RANBP17: variants seen among roughly 807,000 people sequenced by gnomAD.
The protein encoded by RANBP17 is RAN binding protein 17.
Under a neutral mutation model 141.2 loss-of-function variants are expected in RANBP17, and 158 were observed. The ratio of observed to expected loss-of-function variants is 1.12; its 90% CI spans 0.98 to 1.28. The LOEUF is 1.28. RANBP17 is among the 50% of genes most tolerant of loss of function. The pLI, the probability that RANBP17 is intolerant of heterozygous loss-of-function variation, is 0.00. For synonymous variants in RANBP17, 430 were observed against 450.0 expected (o/e 0.96, Z 0.56); for missense variants, 1,438 against 1,290.7 (o/e 1.11, Z -1.75).
At chr5:170,968,165 A>T (rs975567519) in intron 13 of RANBP17, 77 bp from the exon 14 acceptor site, 2 of 1,041,218 alleles carry the variant, frequency 1.9e-6, no homozygotes, top group African/African-American at 1.6e-5. Flanking sequence ...GTTATATTAC[A>T]TTTATGGTAA....
intron 14 of RANBP17, among the ~76,000 whole-genome samples, chr5:171,159,929 AAAAAAAAAAAAAG>A (rs1311986153): frequency 1.3e-5 from 2 of 150,814 alleles, no homozygotes; most frequent in Non-Finnish European, 3.0e-5. Flanking sequence ...AAAAAAAAAA[AAAAAAAAAAAAAG>A]AAAAAAGAAG....
rs373145835 is a variant in RANBP17, at chr5:171,029,777, GA to G, written c.1710+61407del. ...TTTCAAAAAAATTTTTTTATTTGAGGAAAAAAATCTACATGTATTCTGACAT... is the reference window on the plus strand; with the variant it reads ...TTTCAAAAAAATTTTTTTATTTGAGGAAAAAATCTACATGTATTCTGACAT... On this transcript the variant is annotated intron_variant, in intron 14 of 27. Transcript: ENST00000523189. 2.0e-3 allele frequency among the ~76,000 whole-genome samples: 310 copies of G among 151,870 alleles called. 1 individual carries two copies. In the Middle Eastern group the frequency reaches 0.027, roughly 13 times the overall value.
intron 22 of RANBP17, 89 bp downstream of exon 22, chr5:171,221,929 T>C: frequency 2.4e-6 from 2 of 839,900 alleles, no homozygotes; most frequent in Admixed American, 5.2e-5. Context: ...TCTTTTGAAC[T>C]TTCATATCTT....
chr5:171,078,572 G>A (rs1175024814), intron 14 of RANBP17, among the ~76,000 whole-genome samples: 1 of 152,182 alleles, frequency 6.6e-6, no homozygotes, highest in African/African-American at 2.4e-5. Context: ...TCAAAAGACA[G>A]GCTGATTCTC....
At chr5:171,253,269 CA>C (rs1765693016) in intron 24 of RANBP17, among the ~76,000 whole-genome samples, 1 of 152,190 alleles carries the variant, frequency 6.6e-6, no homozygotes, top group African/African-American at 2.4e-5. Context: ...CCAGTATTAA[CA>C]TGCATTTTCT....
chr5:171,174,788 G>GTGTGTGTA (rs1760332011), intron 16 of RANBP17, among the ~76,000 whole-genome samples: 1 of 150,078 alleles, frequency 6.7e-6, no homozygotes, highest in Non-Finnish European at 1.5e-5. Flanking sequence ...GTGTGTGTGT[G>GTGTGTGTA]TGTGTATTTT....
At chr5:170,871,573 A>G (rs570823079) in intron 1 of RANBP17, among the ~76,000 whole-genome samples, 1 of 152,204 alleles carries the variant, frequency 6.6e-6, no homozygotes, top group East Asian at 1.9e-4. Context: ...GCTTTTGGCA[A>G]TTTCGCCATA....
intron 18 of RANBP17, among the ~76,000 whole-genome samples, chr5:171,196,204 T>C (rs1215033266): frequency 1.3e-5 from 2 of 152,180 alleles, no homozygotes; most frequent in Non-Finnish European, 2.9e-5. Flanking sequence ...ATTACCATTT[T>C]AGATAGAGTG....
At chr5:170,865,415 G>A (rs1767165707) in intron 1 of RANBP17, among the ~76,000 whole-genome samples, 1 of 152,088 alleles carries the variant, frequency 6.6e-6, no homozygotes, top group African/African-American at 2.4e-5. Context: ...TTTGCCCGAG[G>A]TCACTTAATA....
intron 14 of RANBP17, among the ~76,000 whole-genome samples, chr5:171,013,844 A>G (rs754708955): frequency 6.6e-6 from 1 of 152,132 alleles, no homozygotes; most frequent in Non-Finnish European, 1.5e-5. Flanking sequence ...TTACAGATCA[A>G]TTTGTCTTAA....
In RANBP17 at chr5:171,210,021, A is replaced by G. The variant is rs75330710; in HGVS notation, c.2232-3610A>G. On this transcript the variant is annotated intron_variant, in intron 20 of 27. Coordinates refer to ENST00000523189, the MANE Select transcript of RANBP17 (RefSeq NM_022897.5). Reference sequence around the variant, plus strand: ...CAAACTTGATACTTTTCACATTTTCATATTTGGTATCCTGTAAGGCAGTGT... The same window carrying G: ...CAAACTTGATACTTTTCACATTTTCGTATTTGGTATCCTGTAAGGCAGTGT... 2.2e-3 allele frequency among the ~76,000 whole-genome samples: 333 copies of G among 152,338 alleles called. 1 individual carries two copies. The highest frequency in any genetic ancestry group is 7.6e-3 in the African/African-American group (316 of 41,574).
At chr5:170,993,970 GGCATGTTAAAC>G (rs1778663221) in intron 14 of RANBP17, among the ~76,000 whole-genome samples, 1 of 151,960 alleles carries the variant, frequency 6.6e-6, no homozygotes. Context: ...AATGCATATT[GGCATGTTAAAC>G]GCTTTAAGGA....
intron 14 of RANBP17, among the ~76,000 whole-genome samples, chr5:171,061,211 A>G (rs1783819933): frequency 1.3e-5 from 2 of 150,392 alleles, no homozygotes; most frequent in African/African-American, 2.4e-5. Context: ...TAGCTTTTGA[A>G]TGTGTTTGCT....
At chr5:171,083,574 A>T (rs1328682698) in intron 14 of RANBP17, among the ~76,000 whole-genome samples, 1 of 152,178 alleles carries the variant, frequency 6.6e-6, no homozygotes, top group African/African-American at 2.4e-5. Context: ...CTTCTACATT[A>T]TTTTTTCTCT....
Position 170,872,473 on chromosome 5 carries a change from C to A in RANBP17, c.19-5624C>A, listed in dbSNP as rs375408409. Among the ~76,000 whole-genome samples, 11 of 152,238 alleles carry A rather than the reference C, an allele frequency of 7.2e-5. No individual in the cohort carries two copies. The East Asian group carries it at 9.7e-4, about 13-fold the overall frequency. On this transcript the variant is annotated intron_variant, in intron 1 of 27. Coordinates refer to ENST00000523189, the MANE Select transcript of RANBP17 (RefSeq NM_022897.5). ...GTTGTCTGCAGAGATGATTTGACTTCGTCTCTTCCTATTTGAATACCCTTT... is the reference window on the plus strand; with the variant it reads ...GTTGTCTGCAGAGATGATTTGACTTAGTCTCTTCCTATTTGAATACCCTTT...
At chr5:171,087,323 G>A (rs1400680905) in intron 14 of RANBP17, among the ~76,000 whole-genome samples, 1 of 151,970 alleles carries the variant, frequency 6.6e-6, no homozygotes, top group Non-Finnish European at 1.5e-5. Flanking sequence ...ACTGTGGTCT[G>A]AGAGATAGTT....
At chr5:171,295,230 G>C (rs1429584016) in intron 26 of RANBP17, among the ~76,000 whole-genome samples, 1 of 152,144 alleles carries the variant, frequency 6.6e-6, no homozygotes, top group East Asian at 1.9e-4. Context: ...GAACTTGTGT[G>C]TGTATAAAAG....
In RANBP17 at chr5:171,017,039, A is replaced by G. The variant is rs1302730710; in HGVS notation, c.1710+48662A>G. Among the ~76,000 whole-genome samples the G allele has an allele frequency of 3.9e-5, 6 of 151,950 alleles. No individual in the cohort carries two copies. The East Asian group carries it at 7.8e-4, about 20-fold the overall frequency. On this transcript the variant is annotated intron_variant, in intron 14 of 27. Transcript: ENST00000523189. ...TGTTCCTGTGTTAGTTTGCTGGAGG[A>G]TGATGGCTTCCAGCTTCATCCCATG...
intron 14 of RANBP17, among the ~76,000 whole-genome samples, chr5:171,072,777 G>C (rs1784702472): frequency 6.6e-6 from 1 of 152,096 alleles, no homozygotes; most frequent in Non-Finnish European, 1.5e-5. Context: ...TGTTCACACA[G>C]AAACCTATAT....
Sources: allele counts gnomAD v4.1 joint callset (sites outside exome capture counted in the v4.1 genomes callset), GRCh38; gene constraint gnomAD v4.1.1; transcripts MANE v1.5; gene names NCBI Gene and HGNC (gene_info 2026-07-23, HGNC 2026-07-21).